Variants in ASTN1 observed in about 807,000 individuals in gnomAD.
ASTN1 encodes the protein astrotactin 1, also known as astrotactin-1.
In ASTN1, 41 loss-of-function variants were observed where a neutral mutation model predicts 140.7. The observed-to-expected ratio is 0.29, with a 90% CI of 0.23 to 0.38. The LOEUF (loss-of-function observed/expected upper bound fraction) is 0.38, where lower values mean the gene tolerates loss of function less well. ASTN1 is among the 10% of genes least tolerant of loss of function. ASTN1 has a pLI of 1.00. For synonymous variants in ASTN1, 640 were observed against 652.2 expected (o/e 0.98, Z 0.29); for missense variants, 1,479 against 1,678.8 (o/e 0.88, Z 2.08).
chr1:177,012,347 C>A (rs570618942), intron 8 of ASTN1, among the ~76,000 whole-genome samples: 2 of 152,162 alleles, frequency 1.3e-5, no homozygotes, highest in Non-Finnish European at 2.9e-5. Context: ...ATTTGTCTGG[C>A]GCTTTTTTAA....
chr1:177,016,913 T>G (rs146879858), intron 7 of ASTN1, among the ~76,000 whole-genome samples: 2 of 152,320 alleles, frequency 1.3e-5, no homozygotes, highest in East Asian at 3.9e-4. Flanking sequence ...GCCATGGGCA[T>G]ATTTAGAAGC....
intron 8 of ASTN1, chr1:176,976,577 G>T (rs1673374522): frequency 6.6e-6 from 1 of 152,238 alleles, no homozygotes; most frequent in Non-Finnish European, 1.5e-5. Flanking sequence ...CCAAGTTCTG[G>T]ATTCAAGTCT....
chr1:177,055,409 C>T (rs1456077553), intron 2 of ASTN1, among the ~76,000 whole-genome samples: 1 of 152,234 alleles, frequency 6.6e-6, no homozygotes, highest in East Asian at 1.9e-4. Flanking sequence ...GACATGGTCC[C>T]CAAATGGACC....
At chr1:177,156,697 T>C (rs1683254417) in intron 1 of ASTN1, among the ~76,000 whole-genome samples, 2 of 152,206 alleles carry the variant, frequency 1.3e-5, no homozygotes, top group Non-Finnish European at 2.9e-5. Context: ...TCCTTTGGAA[T>C]AGTCTGTGCA....
At chr1:177,078,494 G>T (rs1247588925) in intron 1 of ASTN1, among the ~76,000 whole-genome samples, 1 of 152,076 alleles carries the variant, frequency 6.6e-6, no homozygotes, top group Non-Finnish European at 1.5e-5. Context: ...CCCACAGAGG[G>T]CTCTTCTGAT....
rs1166089715 is a variant in ASTN1 at position 177,091,896 on chromosome 1, TG to T, written c.284-30632del. Among the ~76,000 whole-genome samples the T allele has an allele frequency of 2.0e-5, 3 of 152,294 alleles. No homozygotes were observed. The East Asian group carries it at 5.8e-4, about 29-fold the overall frequency. ...TTTATGGCCAAATAATAATACATTG[TG>T]TTGATATAACACACTTGTGGATTGT... On this transcript the variant is annotated intron_variant, in intron 1 of 22. Coordinates refer to ENST00000361833, the MANE Select transcript of ASTN1 (RefSeq NM_004319.3).
Position 177,049,047 on chromosome 1 carries a change from G to A in ASTN1, c.471+12031C>T, listed in dbSNP as rs80072064. On this transcript the variant is annotated intron_variant, in intron 2 of 22. Coordinates refer to ENST00000361833, the MANE Select transcript of ASTN1 (RefSeq NM_004319.3). ...GCCCATAGACCATCACCTCATACTC[G>A]TAAATGGAAAAAAGAAAAGCAGAGT... Among the ~76,000 whole-genome samples, 922 of 152,234 alleles carry A rather than the reference G, an allele frequency of 6.1e-3. 8 individuals carry two copies. Among genetic ancestry groups the A allele is most frequent in the African/African-American group, 0.021 (877 of 41,530 alleles).
At chr1:176,864,640 C>CTGT in intron 22 of ASTN1, 119 bp from the exon 23 acceptor site, 2 of 1,417,598 alleles carry the variant, frequency 1.4e-6, no homozygotes, top group South Asian at 1.5e-5. Flanking sequence ...TGTTTTGCTC[C>CTGT]CTATTTTATC....
At chr1:177,045,499 C>T (rs565203989) in intron 2 of ASTN1, among the ~76,000 whole-genome samples, 1 of 152,298 alleles carries the variant, frequency 6.6e-6, no homozygotes, top group South Asian at 2.1e-4. Context: ...CTAGATAGCT[C>T]TGAGGGGCAC....
intron 1 of ASTN1, among the ~76,000 whole-genome samples, chr1:177,117,801 A>G (rs2102171688): frequency 6.6e-6 from 1 of 152,184 alleles, no homozygotes; most frequent in Middle Eastern, 3.4e-3. Context: ...ACTGCCCTTC[A>G]CCTCTATACC....
chr1:176,877,341 G>A (rs1343109116), intron 20 of ASTN1, among the ~76,000 whole-genome samples: 1 of 152,160 alleles, frequency 6.6e-6, no homozygotes, highest in Non-Finnish European at 1.5e-5. Context: ...TCTTTAAAGT[G>A]AGATGCAAAA....
At chr1:177,113,391 A>G (rs1221762438) in intron 1 of ASTN1, among the ~76,000 whole-genome samples, 5 of 152,168 alleles carry the variant, frequency 3.3e-5, no homozygotes, top group African/African-American at 1.2e-4. Context: ...AATGTTTCAA[A>G]TTGTGTATTT....
intron 1 of ASTN1, among the ~76,000 whole-genome samples, chr1:177,134,644 A>T (rs575176480): frequency 6.6e-6 from 1 of 151,964 alleles, no homozygotes; most frequent in East Asian, 1.9e-4. Context: ...TCAAAGAAAA[A>T]CTCCTGTGAA....
intron 8 of ASTN1, among the ~76,000 whole-genome samples, chr1:177,014,116 C>T (rs1157804668): frequency 1.1e-4 from 16 of 150,406 alleles, no homozygotes; most frequent in Admixed American, 1.1e-3. Context: ...TTACTTAATG[C>T]CACTGAATTG....
At chr1:177,153,338 C>T (rs1417742495) in intron 1 of ASTN1, among the ~76,000 whole-genome samples, 1 of 152,096 alleles carries the variant, frequency 6.6e-6, no homozygotes, top group Non-Finnish European at 1.5e-5. Context: ...AAAACCCTCA[C>T]CAGATGCAGA....
chr1:177,088,149 GA>G (rs985217459), intron 1 of ASTN1, among the ~76,000 whole-genome samples: 1 of 152,162 alleles, frequency 6.6e-6, no homozygotes, highest in African/African-American at 2.4e-5. Flanking sequence ...CTTAGATTTT[GA>G]AAATATATCT....
chr1:176,974,463 A>G lies in ASTN1; in HGVS notation c.1524-9226T>C, dbSNP rs1673278427. 2.0e-5 allele frequency among the ~76,000 whole-genome samples: 3 copies of G among 150,374 alleles called. No homozygotes were observed. The South Asian group carries it at 6.3e-4, about 32-fold the overall frequency. On this transcript the variant is annotated intron_variant, in intron 8 of 22. Transcript: ENST00000361833. ...TGCAGTGTCATGATCTTGACTCACT[A>G]CAACCTCCGCCTCCCGGGTTCAAGC...
intron 16 of ASTN1, among the ~76,000 whole-genome samples, chr1:176,922,798 G>C (rs1417168749): frequency 6.6e-6 from 1 of 151,908 alleles, no homozygotes; most frequent in Non-Finnish European, 1.5e-5. Flanking sequence ...TTTTACCCAG[G>C]GCAAGTTTTA....
At chr1:177,098,775 T>C (rs926580828) in intron 1 of ASTN1, among the ~76,000 whole-genome samples, 5 of 152,188 alleles carry the variant, frequency 3.3e-5, no homozygotes, top group Non-Finnish European at 7.4e-5. Context: ...ATAAGGAAAT[T>C]AATATCATCT....
Sources: allele counts gnomAD v4.1 joint callset (sites outside exome capture counted in the v4.1 genomes callset), GRCh38; gene constraint gnomAD v4.1.1; transcripts MANE v1.5; gene names NCBI Gene and HGNC (gene_info 2026-07-23, HGNC 2026-07-21).